Variants in RIMS3 observed in about 807,000 individuals in gnomAD.
RIMS3 encodes the protein regulating synaptic membrane exocytosis 3, also known as regulating synaptic membrane exocytosis protein 3.
RIMS3 carries 15 observed loss-of-function variants against 29.2 expected under a neutral mutation model. The ratio of observed to expected loss-of-function variants is 0.51; its 90% CI spans 0.34 to 0.79. The LOEUF (loss-of-function observed/expected upper bound fraction) is 0.79, where lower values mean the gene tolerates loss of function less well. RIMS3 is among the 30% of genes least tolerant of loss of function. RIMS3 has a pLI of 0.01. For missense variants in RIMS3, 342 were observed against 421.4 expected (o/e 0.81, Z 1.65); for synonymous variants, 161 against 170.1 (o/e 0.95, Z 0.41).
chr1:40,660,343 C>T (rs1195991894), intron 1 of RIMS3, among the ~76,000 whole-genome samples: 1 of 131,130 alleles, frequency 7.6e-6, no homozygotes, highest in Non-Finnish European at 1.7e-5. Context: ...AAGTGTGGGC[C>T]AGGAAGCAGT....
upstream of RIMS3, chr1:40,665,732 C>CG (rs1007437349): frequency 3.7e-4 from 57 of 152,620 alleles, no homozygotes; most frequent in African/African-American, 1.3e-3. Context: ...CTGCCGGGGG[C>CG]GGGGCCGCGT....
In RIMS3 at chr1:40,654,013, C is replaced by G. The variant is rs1466663296; in HGVS notation, c.-206-6171G>C. Among the ~76,000 whole-genome samples the G allele has an allele frequency of 6.6e-6, 1 of 152,146 alleles. No homozygotes were observed. Among genetic ancestry groups the G allele is most frequent in the African/African-American group, 2.4e-5 (1 of 41,416 alleles). On this transcript the variant is annotated intron_variant, in intron 1 of 7. Coordinates refer to ENST00000372684, the MANE Select transcript of RIMS3 (RefSeq NM_014747.3). The surrounding 1 kb of genome is among the most constrained non-coding windows in gnomAD (Gnocchi z 5.3). ...TCATCCTGAGAGGCAGGGGCCCCAA[C>G]AAAGGGTGTTGGTGGATGGGACAAT...
upstream of RIMS3, among the ~76,000 whole-genome samples, chr1:40,665,959 T>C (rs1202942859): frequency 1.3e-5 from 2 of 152,152 alleles, no homozygotes; most frequent in Non-Finnish European, 2.9e-5. Context: ...TTCTTTCTCA[T>C]CCTTCCTTTT....
chr1:40,650,043 C>G (rs951237596), intron 1 of RIMS3, among the ~76,000 whole-genome samples: 14 of 152,160 alleles, frequency 9.2e-5, no homozygotes, highest in African/African-American at 3.4e-4. Context: ...CCACATGGGC[C>G]CTAGATACAT....
In RIMS3 at chr1:40,641,903, G is replaced by T; in HGVS notation, c.23C>A (p.Pro8His). 6.2e-7 allele frequency: 1 copy of T among 1,613,756 alleles called. No homozygotes were observed. The highest frequency in any genetic ancestry group is 8.5e-7 in the Non-Finnish European group (1 of 1,179,746). Residue 8 changes from proline to histidine, a missense_variant, in exon 3 of 8, where the codon CCT becomes CAT. Coordinates refer to ENST00000372684, the MANE Select transcript of RIMS3 (RefSeq NM_014747.3). ...ATTCCTGGAGGCCCCAGATGAGGCA[G>T]GACCTGGCTCCCCGTTAAACATGGT... MFNGEPG[P>H]ASSGASRNVV...
chr1:40,658,328 C>G (rs1486731891), intron 1 of RIMS3, among the ~76,000 whole-genome samples: 2 of 152,202 alleles, frequency 1.3e-5, no homozygotes, highest in Non-Finnish European at 2.9e-5. Flanking sequence ...CTGAGCACTG[C>G]TGCCCAGGAA....
At chr1:40,672,855 C>A in the RIMS3 span, among the ~76,000 whole-genome samples, 3 of 130,048 alleles carry the variant, frequency 2.3e-5, no homozygotes, top group Non-Finnish European at 3.2e-5. Flanking sequence ...CAGGGTAAGA[C>A]CCCATCTCTG....
intron 1 of RIMS3, among the ~76,000 whole-genome samples, chr1:40,659,809 C>T (rs904459472): frequency 5.9e-5 from 9 of 152,088 alleles, no homozygotes; most frequent in African/African-American, 1.2e-4. Context: ...GGGGACAACA[C>T]GTGTGGAAGT....
chr1:40,649,316 A>AC (rs890755850), intron 1 of RIMS3, among the ~76,000 whole-genome samples: 1 of 151,668 alleles, frequency 6.6e-6, no homozygotes, highest in African/African-American at 2.4e-5. Context: ...TGTGCACACC[A>AC]CCCCCCACTA....
At chr1:40,690,472 C>T in the RIMS3 span, 5 of 152,028 alleles carry the variant, frequency 3.3e-5, no homozygotes, top group South Asian at 1.0e-3. Context: ...TTGCAATTTA[C>T]GAAGCACTCT....
At chr1:40,642,015 T>G in intron 2 of RIMS3, 59 bp from the exon 3 acceptor site, 165 of 1,022,290 alleles carry the variant, frequency 1.6e-4, no homozygotes, top group Non-Finnish European at 2.3e-4. Context: ...TCTACTGCAG[T>G]CCCACCACTT....
chr1:40,632,803 T>C (rs1005096361), intron 5 of RIMS3, among the ~76,000 whole-genome samples: 59 of 152,252 alleles, frequency 3.9e-4, no homozygotes, highest in Middle Eastern at 3.4e-3. Context: ...CCACAGTTCC[T>C]ACACATTAAA....
chr1:40,665,279 C>T (rs1642407864), intron 1 of RIMS3, 115 bp downstream of exon 1: 1 of 151,240 alleles, frequency 6.6e-6, no homozygotes, highest in Non-Finnish European at 1.5e-5. Context: ...CCCCTGCACA[C>T]TCACATACCT....
intron 4 of RIMS3, among the ~76,000 whole-genome samples, chr1:40,634,956 CA>C (rs1033757625): frequency 2.1e-5 from 3 of 144,884 alleles, no homozygotes; most frequent in Non-Finnish European, 4.6e-5. Flanking sequence ...AAAAAAAAAA[CA>C]AAAAAAACAA....
intron 1 of RIMS3, among the ~76,000 whole-genome samples, chr1:40,651,028 G>C (rs1646628983): frequency 1.3e-5 from 2 of 152,064 alleles, no homozygotes; most frequent in South Asian, 4.1e-4. Flanking sequence ...ATCCAAGTTT[G>C]AAGGTCATTT....
Position 40,626,270 on chromosome 1 carries a change from A to G in RIMS3, c.*247T>C. On this transcript the variant is annotated 3_prime_UTR_variant, in exon 8 of 8. Transcript: ENST00000372684. ...GAGACGTGGAGACATTTCAGCCCAT[A>G]TCATCACCAGGAGTGACTATACCCA... is the stretch of plus-strand genomic sequence containing the variant. 1 of 569,504 alleles carries G rather than the reference A, an allele frequency of 1.8e-6. No homozygotes were observed. Among genetic ancestry groups the G allele is most frequent in the Non-Finnish European group, 3.2e-6 (1 of 316,532 alleles). The allele number at this position is 569,504 out of a possible 1,614,324, so 35.3% of individuals were successfully genotyped here.
rs61779210 is a variant in RIMS3, at chr1:40,622,533, G to A, written c.*3984C>T. ...ATACTGGAGAAGAAAACTCTGAGGA[G>A]TGGAAGAGAAAGGTAGGAGGAGGCA... On this transcript the variant is annotated 3_prime_UTR_variant, in exon 8 of 8. Coordinates refer to ENST00000372684, the MANE Select transcript of RIMS3 (RefSeq NM_014747.3). 0.13 allele frequency: 19,883 copies of A among 152,328 alleles called. 1,403 individuals are homozygous for A. The highest frequency in any genetic ancestry group is 0.15 in the Middle Eastern group (44 of 294). The allele number at this position is 152,328 out of a possible 1,614,324, so 9.4% of individuals were successfully genotyped here.
At chr1:40,644,025 G>T (rs636579) in intron 2 of RIMS3, among the ~76,000 whole-genome samples, 8 of 146,852 alleles carry the variant, frequency 5.4e-5, no homozygotes, top group African/African-American at 2.1e-4. Context: ...CTTGTCCAAG[G>T]GGGGGAAGAT....
intron 1 of RIMS3, among the ~76,000 whole-genome samples, chr1:40,659,268 G>A (rs945379509): frequency 6.6e-6 from 1 of 152,234 alleles, no homozygotes; most frequent in African/African-American, 2.4e-5. Context: ...AGTTCAAAGT[G>A]TGGCGGGGAA....
Sources: gnomAD v4.1 joint callset for allele counts (sites outside exome capture counted in the v4.1 genomes callset) on GRCh38, gnomAD v4.1.1 for gene constraint, Gnocchi (gnomAD v3.1) non-coding constraint, MANE v1.5 for transcripts, NCBI Gene and HGNC (gene_info 2026-07-23, HGNC 2026-07-21) for gene names.